Variants in CCDC8 observed in about 807,000 individuals in gnomAD.
CCDC8 encodes coiled-coil domain-containing protein 8.
Under a neutral mutation model 5.2 loss-of-function variants are expected in CCDC8, and 6 were observed. That is an observed-to-expected ratio of 1.16 (90% CI 0.63 to 2.28). The LOEUF (loss-of-function observed/expected upper bound fraction) is 2.28. Among genes scored for constraint, CCDC8 ranks in the 30% most tolerant of loss-of-function variants. The probability of loss-of-function intolerance (pLI) is 0.00; values close to 1 mark genes in which losing one functional copy is unlikely to be tolerated. For synonymous variants in CCDC8, 310 were observed against 286.5 expected (o/e 1.08, Z -0.83); for missense variants, 724 against 712.2 (o/e 1.02, Z -0.19).
At position 46,412,584 on chromosome 19, in the gene CCDC8, G is replaced by T. The variant is rs753465669; in HGVS notation, c.227C>A (p.Pro76His). 4 of 1,603,868 alleles carry T rather than the reference G, an allele frequency of 2.5e-6. No homozygotes were observed. In the East Asian group the frequency reaches 6.7e-5, roughly 27 times the overall value. The change falls in exon 1 of 1, where the codon CCC (proline) becomes CAC (histidine). Residue 76 changes from proline (P) to histidine (H), a missense_variant. Transcript: ENST00000307522. The surrounding 1 kb of genome is among the most constrained non-coding windows in gnomAD (Gnocchi z 4.7). Reference protein sequence around the residue: ...PPQPPKKPKEPRVRRRVQQMV... With the variant: ...PPQPPKKPKEHRVRRRVQQMV... Reference sequence around the variant, plus strand: ...CTGCTGCACTCTCCTCCTCACTCGGGGCTCCTTGGGCTTTTTGGGGGGCTG... The same window carrying T: ...CTGCTGCACTCTCCTCCTCACTCGGTGCTCCTTGGGCTTTTTGGGGGGCTG...
chr19:46,411,245 C>G lies in CCDC8; in HGVS notation c.1566G>C (p.Arg522Ser). ...AGEARNLRVL[R>S]AEARAEAEQG... ...GCTCAGCTTCTGCTCTGGCCTCGGC[C>G]CTCAGCACCCTGAGGTTCCTGGCCT... Residue 522 changes from arginine to serine, a missense_variant, in exon 1 of 1, where the codon AGG (arginine) becomes AGC (serine). Transcript: ENST00000307522. The G allele has an allele frequency of 1.2e-6, 2 of 1,614,176 alleles. No homozygotes were observed. Among genetic ancestry groups the G allele is most frequent in the Non-Finnish European group, 1.7e-6 (2 of 1,180,028 alleles).
Position 46,411,310 on chromosome 19 carries a change from G to C in CCDC8, c.1501C>G (p.Arg501Gly), listed in dbSNP as rs543276848. 1.2e-6 allele frequency: 2 copies of C among 1,614,170 alleles called. No individual in the cohort carries two copies. The highest frequency in any genetic ancestry group is 2.2e-5 in the South Asian group (2 of 91,082). ...KRRRAFWHTP[R>G]LPTLPKRVPR... The stretch of plus-strand genomic sequence containing the variant: ...ACTCTCTTGGGCAGGGTTGGCAACC[G>C]GGGAGTGTGCCAGAAGGCTCTCCGG... Residue 501 changes from arginine (R) to glycine (G), a missense_variant, in exon 1 of 1, where the codon CGG (arginine) becomes GGG (glycine). Physicochemically the swap from Arg to Gly is moderately radical, Grantham distance 125. Transcript: ENST00000307522.
In CCDC8 at chr19:46,411,983, G is replaced by GCGC. The variant is rs1255224357; in HGVS notation, c.825_827dup (p.Arg278dup). The stretch of plus-strand genomic sequence containing the variant: ...TGGGTGCTGTCTGCTCCTTCCTGCG[G>GCGC]CGCCGAAAGGAGGCCCAGTTGATCT... On this transcript the variant is annotated inframe_insertion, in exon 1 of 1. Transcript: ENST00000307522. The GCGC allele has an allele frequency of 6.2e-7, 1 of 1,607,718 alleles. No individual in the cohort carries two copies. Among genetic ancestry groups the GCGC allele is most frequent in the Non-Finnish European group, 8.5e-7 (1 of 1,179,890 alleles).
In CCDC8 at chr19:46,412,442, C is replaced by A. The variant is rs760861447; in HGVS notation, c.369G>T (p.Arg123=). 2.5e-6 allele frequency: 4 copies of A among 1,612,100 alleles called. No individual in the cohort carries two copies. The highest frequency in any genetic ancestry group is 2.5e-6 in the Non-Finnish European group (3 of 1,179,978). ...SRDKSRQGPR[R]GKKVRKMPVS... is the part of the protein sequence containing the mutation. The stretch of plus-strand genomic sequence containing the variant: ...CGGGCATTTTGCGCACCTTCTTGCC[C>A]CGCCGCGGGCCCTGGCGGCTCTTGT... Residue 123 remains arginine (R), a synonymous_variant, in exon 1 of 1, where the codon CGG becomes CGT. Coordinates refer to ENST00000307522, the MANE Select transcript of CCDC8 (RefSeq NM_032040.5). This position sits in a 1 kb window ranked among gnomAD's most constrained non-coding sequence, Gnocchi z 4.7.
In CCDC8 at chr19:46,411,801, T is replaced by G. The variant is rs1973232660; in HGVS notation, c.1010A>C (p.Glu337Ala). 6.2e-7 allele frequency: 1 copy of G among 1,605,030 alleles called. No homozygotes were observed. ...QGAEAADNQREEAADNQRAGA... is the reference protein window; with the variant it reads ...QGAEAADNQRAEAADNQRAGA... ...TGCCCTCTGATTATCTGCAGCCTCTTCCCTCTGATTATCTGCAGCCTCTGC... is the reference window on the plus strand; with the variant it reads ...TGCCCTCTGATTATCTGCAGCCTCTGCCCTCTGATTATCTGCAGCCTCTGC... The change falls in exon 1 of 1, where the codon GAA becomes GCA. Residue 337 changes from glutamate (E) to alanine (A), a missense_variant. Coordinates refer to ENST00000307522, the MANE Select transcript of CCDC8 (RefSeq NM_032040.5).
In CCDC8 at chr19:46,413,165, A is replaced by G. The variant is rs1242560446; in HGVS notation, c.-355T>C. On this transcript the variant is annotated 5_prime_UTR_variant, in exon 1 of 1. Coordinates refer to ENST00000307522, the MANE Select transcript of CCDC8 (RefSeq NM_032040.5). ...GCCAGGGACGAGCCAAACGCCTCCAATCTCTTCGCCTGCAACAAGTACAGT... is the reference window on the plus strand; with the variant it reads ...GCCAGGGACGAGCCAAACGCCTCCAGTCTCTTCGCCTGCAACAAGTACAGT... 1 of 346,496 alleles carries G rather than the reference A, an allele frequency of 2.9e-6. No individual in the cohort carries two copies. Among genetic ancestry groups the G allele is most frequent in the South Asian group, 3.4e-5 (1 of 29,568 alleles). 21.5% of individuals were successfully genotyped at this position (346,496 alleles called of 1,614,324 possible).
At position 46,412,690 on chromosome 19, in the gene CCDC8, G is replaced by T; in HGVS notation, c.121C>A (p.Leu41Met). The T allele has an allele frequency of 6.2e-7, 1 of 1,612,060 alleles. No homozygotes were observed. Among genetic ancestry groups the T allele is most frequent in the Non-Finnish European group, 8.5e-7 (1 of 1,179,880 alleles). Reference protein sequence around the residue: ...ATKEAEFRERLTQFLEEEGRT... With the variant: ...ATKEAEFRERMTQFLEEEGRT... The stretch of plus-strand genomic sequence containing the variant: ...CCCTCTTCTTCCAGGAACTGGGTCA[G>T]CCGCTCCCGAAATTCTGCTTCCTTG... Residue 41 changes from leucine to methionine, a missense_variant, in exon 1 of 1, where the codon CTG (leucine) becomes ATG (methionine). By Grantham distance (15) the Leu-to-Met change is conservative. Coordinates refer to ENST00000307522, the MANE Select transcript of CCDC8 (RefSeq NM_032040.5). The surrounding 1 kb of genome is among the most constrained non-coding windows in gnomAD (Gnocchi z 4.7).
In CCDC8 at chr19:46,412,177, C is replaced by A; in HGVS notation, c.634G>T (p.Gly212Cys). The A allele has an allele frequency of 1.3e-6, 2 of 1,598,510 alleles. No individual in the cohort carries two copies. Among genetic ancestry groups the A allele is most frequent in the Non-Finnish European group, 1.7e-6 (2 of 1,179,518 alleles). The change falls in exon 1 of 1, where the codon GGT (glycine) becomes TGT (cysteine). Residue 212 changes from glycine to cysteine, a missense_variant. Transcript: ENST00000307522. The surrounding 1 kb of genome is among the most constrained non-coding windows in gnomAD (Gnocchi z 4.7). ...CCGGGGCCCGCCCTCGGCGCCCAAC[C>A]CTTCACCCTCCGCTTCAGCTTCCCC... ...SWGKLKRRVKGWAPRAGPGVG... is the reference protein window; with the variant it reads ...SWGKLKRRVKCWAPRAGPGVG...
Position 46,411,385 on chromosome 19 carries a change from T to G in CCDC8, c.1426A>C (p.Lys476Gln), listed in dbSNP as rs201582742. 20 of 1,614,210 alleles carry G rather than the reference T, an allele frequency of 1.2e-5. No individual in the cohort carries two copies. In the African/African-American group the frequency reaches 2.3e-4, roughly 18 times the overall value. ...APGARARKQV[K>Q]TVRFQTPGRF... ...CCAGGGGTCTGGAACCTCACTGTCT[T>G]GACCTGTTTCCGGGCCCTGGCTCCT... Residue 476 changes from lysine (K) to glutamine (Q), a missense_variant, in exon 1 of 1, where the codon AAG becomes CAG. Physicochemically the swap from Lys to Gln is moderately conservative, Grantham distance 53 (BLOSUM62 1). Transcript: ENST00000307522.
Position 46,412,477 on chromosome 19 carries a change from T to C in CCDC8, c.334A>G (p.Thr112Ala). 3 of 1,609,274 alleles carry C rather than the reference T, an allele frequency of 1.9e-6. No homozygotes were observed. Among genetic ancestry groups the C allele is most frequent in the Non-Finnish European group, 2.5e-6 (3 of 1,179,932 alleles). The change falls in exon 1 of 1, where the codon ACC (threonine) becomes GCC (alanine). Residue 112 changes from threonine (T) to alanine (A), a missense_variant. By Grantham distance (58) the Thr-to-Ala change is moderately conservative. Coordinates refer to ENST00000307522, the MANE Select transcript of CCDC8 (RefSeq NM_032040.5). This position sits in a 1 kb window ranked among gnomAD's most constrained non-coding sequence, Gnocchi z 4.7. ...ASDSEFSDFETSRDKSRQGPR... is the reference protein window; with the variant it reads ...ASDSEFSDFEASRDKSRQGPR... ...CCCTGGCGGCTCTTGTCTCTGGAGG[T>C]CTCGAAGTCGCTGAACTCGCTGTCG... is the stretch of plus-strand genomic sequence containing the variant.
At position 46,412,007 on chromosome 19, in the gene CCDC8, CT is replaced by C; in HGVS notation, c.803del (p.Lys268ArgfsTer41). On this transcript the variant is annotated frameshift_variant, in exon 1 of 1. Transcript: ENST00000307522. LOFTEE classifies it low-confidence loss of function (END_TRUNC). This position sits in a 1 kb window ranked among gnomAD's most constrained non-coding sequence, Gnocchi z 4.7. ...GGCGCCGAAAGGAGGCCCAGTTGAT[CT>C]TGGGCCTCCATCGCCTAGGGGAAGC... ...PQASPRRWRP[K>X]INWASFRRRR... is the part of the protein sequence containing the mutation. 6.2e-7 allele frequency: 1 copy of C among 1,605,418 alleles called. No individual in the cohort carries two copies. Among genetic ancestry groups the C allele is most frequent in the East Asian group, 2.2e-5 (1 of 44,874 alleles).
Position 46,411,139 on chromosome 19 carries a change from A to C in CCDC8, c.*55T>G. On this transcript the variant is annotated 3_prime_UTR_variant, in exon 1 of 1. Coordinates refer to ENST00000307522, the MANE Select transcript of CCDC8 (RefSeq NM_032040.5). The stretch of plus-strand genomic sequence containing the variant: ...CCACTTTGAAGTTCAGAGGCAGAGC[A>C]TCTCTCCCTCCCACACTTGGAGGGA... 6.3e-7 allele frequency: 1 copy of C among 1,594,966 alleles called. No individual in the cohort carries two copies. The highest frequency in any genetic ancestry group is 1.7e-5 in the Admixed American group (1 of 59,960).
rs1447954360 is a variant in CCDC8 at position 46,413,054 on chromosome 19, A to G, written c.-244T>C. On this transcript the variant is annotated 5_prime_UTR_variant, in exon 1 of 1. Coordinates refer to ENST00000307522, the MANE Select transcript of CCDC8 (RefSeq NM_032040.5). ...CTGGGGTGAGGGGGCAATGAGCCCC[A>G]ACAAACTACTGTAGCCCTTAGTCTT... 1 of 600,862 alleles carries G rather than the reference A, an allele frequency of 1.7e-6. No homozygotes were observed. Among genetic ancestry groups the G allele is most frequent in the Non-Finnish European group, 3.0e-6 (1 of 327,912 alleles). 37.2% of individuals were successfully genotyped at this position (600,862 alleles called of 1,614,324 possible).
Position 46,412,468 on chromosome 19 carries a change from C to T in CCDC8, c.343G>A (p.Asp115Asn). Residue 115 changes from aspartate to asparagine, a missense_variant, in exon 1 of 1, where the codon GAC becomes AAC. Physicochemically the swap from Asp to Asn is conservative, Grantham distance 23 (BLOSUM62 1). Transcript: ENST00000307522. This position sits in a 1 kb window ranked among gnomAD's most constrained non-coding sequence, Gnocchi z 4.7. ...SEFSDFETSRDKSRQGPRRGK... is the reference protein window; with the variant it reads ...SEFSDFETSRNKSRQGPRRGK... ...CGCCGCGGGCCCTGGCGGCTCTTGT[C>T]TCTGGAGGTCTCGAAGTCGCTGAAC... 1 of 1,609,964 alleles carries T rather than the reference C, an allele frequency of 6.2e-7. No homozygotes were observed. Among genetic ancestry groups the T allele is most frequent in the Non-Finnish European group, 8.5e-7 (1 of 1,179,976 alleles).
Position 46,410,961 on chromosome 19 carries a change from G to A in CCDC8, c.*233C>T. The A allele has an allele frequency of 3.7e-6, 2 of 533,378 alleles. No individual in the cohort carries two copies. Among genetic ancestry groups the A allele is most frequent in the Non-Finnish European group, 6.6e-6 (2 of 301,600 alleles). The allele number at this position is 533,378 out of a possible 1,614,324, so 33.0% of individuals were successfully genotyped here. A position where few individuals can be genotyped will look rare whatever the true frequency, so the allele number is the denominator to read the frequency against. On this transcript the variant is annotated 3_prime_UTR_variant, in exon 1 of 1. Coordinates refer to ENST00000307522, the MANE Select transcript of CCDC8 (RefSeq NM_032040.5). ...CACTTGAGGCCAGAAGTTTGAGGCTGCAGTGAGTTATGATCATGCCACTGC... is the reference window on the plus strand; with the variant it reads ...CACTTGAGGCCAGAAGTTTGAGGCTACAGTGAGTTATGATCATGCCACTGC...
Position 46,412,941 on chromosome 19 carries a change from A to T in CCDC8, c.-131T>A. 7.8e-7 allele frequency: 1 copy of T among 1,288,024 alleles called. No homozygotes were observed. The highest frequency in any genetic ancestry group is 1.1e-6 in the Non-Finnish European group (1 of 911,328). The allele number at this position is 1,288,024 out of a possible 1,614,324, so 79.8% of individuals were successfully genotyped here. A position where few individuals can be genotyped will look rare whatever the true frequency, so the allele number is the denominator to read the frequency against. Reference sequence around the variant, plus strand: ...GACATCGGGGACGCTCCAAAGAATGAGGCAGTCGGGGGACGGCAGGAAGCC... The same window carrying T: ...GACATCGGGGACGCTCCAAAGAATGTGGCAGTCGGGGGACGGCAGGAAGCC... On this transcript the variant is annotated 5_prime_UTR_variant, in exon 1 of 1. Transcript: ENST00000307522. The surrounding 1 kb of genome is among the most constrained non-coding windows in gnomAD (Gnocchi z 4.7).
chr19:46,412,031 A>G lies in CCDC8; in HGVS notation c.780T>C (p.Ala260=). The stretch of plus-strand genomic sequence containing the variant: ...TCTTGGGCCTCCATCGCCTAGGGGA[A>G]GCCTGGGGCACACAAACATCTCCCG... ...GNAGDVCVPQ[A]SPRRWRPKIN... is the part of the protein sequence containing the mutation. Residue 260 remains alanine, a synonymous_variant, in exon 1 of 1, where the codon GCT becomes GCC. Coordinates refer to ENST00000307522, the MANE Select transcript of CCDC8 (RefSeq NM_032040.5). The surrounding 1 kb of genome is among the most constrained non-coding windows in gnomAD (Gnocchi z 4.7). 1 of 1,602,614 alleles carries G rather than the reference A, an allele frequency of 6.2e-7. No homozygotes were observed.
rs550450826 is a variant in CCDC8 at position 46,411,403 on chromosome 19, T to C, written c.1408A>G (p.Arg470Gly). The change falls in exon 1 of 1, where the codon AGG becomes GGG. Residue 470 changes from arginine to glycine, a missense_variant. By Grantham distance (125) the Arg-to-Gly change is moderately radical. Coordinates refer to ENST00000307522, the MANE Select transcript of CCDC8 (RefSeq NM_032040.5). ...ACTGTCTTGACCTGTTTCCGGGCCC[T>C]GGCTCCTGGAGCTGTTCCTGTGGTC... ...QGTTGTAPGA[R>G]ARKQVKTVRF... 8 of 1,614,238 alleles carry C rather than the reference T, an allele frequency of 5.0e-6. No homozygotes were observed. In the South Asian group the frequency reaches 8.8e-5, roughly 18 times the overall value.
rs147620109 is a variant in CCDC8 at position 46,411,949 on chromosome 19, C to T, written c.862G>A (p.Gly288Arg). 1.0e-4 allele frequency: 169 copies of T among 1,610,984 alleles called. No individual in the cohort carries two copies. The highest frequency in any genetic ancestry group is 1.3e-4 in the Non-Finnish European group (158 of 1,179,380). Residue 288 changes from glycine (G) to arginine (R), a missense_variant, in exon 1 of 1, where the codon GGG becomes AGG. By Grantham distance (125) the Gly-to-Arg change is moderately radical. Transcript: ENST00000307522. ...RKEQTAPTGQGADIEADQGGE... is the reference protein window; with the variant it reads ...RKEQTAPTGQRADIEADQGGE... Reference sequence around the variant, plus strand: ...CCCTGATCAGCCTCGATGTCTGCCCCCTGACCTGTGGGTGCTGTCTGCTCC... The same window carrying T: ...CCCTGATCAGCCTCGATGTCTGCCCTCTGACCTGTGGGTGCTGTCTGCTCC...
Sources: gnomAD v4.1 joint callset for allele counts on GRCh38, gnomAD v4.1.1 for gene constraint, Gnocchi (gnomAD v3.1) non-coding constraint, MANE v1.5 for transcripts, NCBI Gene and HGNC (gene_info 2026-07-23, HGNC 2026-07-21) for gene names.